Variants in FAT3 observed in about 807,000 individuals in gnomAD.
The protein encoded by FAT3 is protocadherin Fat 3.
In FAT3, 95 loss-of-function variants were observed where a neutral mutation model predicts 310.2. That is an observed-to-expected ratio of 0.31 (90% confidence interval 0.26 to 0.36). The LOEUF (loss-of-function observed/expected upper bound fraction) is 0.36, where lower values mean the gene tolerates loss of function less well. Among genes scored for constraint, FAT3 ranks in the 10% least tolerant of loss-of-function variants. FAT3 has a pLI of 1.00. For missense variants in FAT3, 5,408 were observed against 5,715.6 expected, an observed-to-expected ratio of 0.95 and a Z score of 1.74; for synonymous variants, 2,314 against 2,192.9, an observed-to-expected ratio of 1.06 and a Z score of -1.54.
intron 3 of FAT3, among the ~76,000 whole-genome samples, chr11:92,552,497 T>C (rs900781566): frequency 2.6e-5 from 4 of 152,196 alleles, no homozygotes; most frequent in Admixed American, 1.3e-4. Context: ...CTAGAACTTA[T>C]ATTTACTATT....
At chr11:92,414,332 C>A (rs1054322899) in intron 2 of FAT3, among the ~76,000 whole-genome samples, 1 of 152,132 alleles carries the variant, frequency 6.6e-6, no homozygotes, top group Non-Finnish European at 1.5e-5. Context: ...GAACAATTGA[C>A]AGTTTGATGC....
At chr11:92,540,437 T>C (rs1041247593) in intron 3 of FAT3, among the ~76,000 whole-genome samples, 2 of 152,190 alleles carry the variant, frequency 1.3e-5, no homozygotes, top group African/African-American at 4.8e-5. Context: ...TCTGGCCCAC[T>C]TTTATTAAAG....
chr11:92,531,902 C>T (rs1954087963), intron 3 of FAT3, among the ~76,000 whole-genome samples: 1 of 151,948 alleles, frequency 6.6e-6, no homozygotes, highest in Non-Finnish European at 1.5e-5. Context: ...CAGCAGTATC[C>T]CTGGCCTCTG....
intron 3 of FAT3, among the ~76,000 whole-genome samples, chr11:92,552,212 C>G (rs1262249122): frequency 1.3e-5 from 2 of 152,158 alleles, no homozygotes; most frequent in Admixed American, 1.3e-4. Flanking sequence ...TTCTCAGCAT[C>G]AAGCAGTTAT....
chr11:92,538,242 C>T (rs1030586272), intron 3 of FAT3, among the ~76,000 whole-genome samples: 3 of 152,170 alleles, frequency 2.0e-5, no homozygotes, highest in African/African-American at 7.2e-5. Flanking sequence ...TGAACAAGAT[C>T]TGCATGATAA....
chr11:92,324,860 A>G (rs1301031131), intron 1 of FAT3, among the ~76,000 whole-genome samples: 1 of 152,172 alleles, frequency 6.6e-6, no homozygotes, highest in Non-Finnish European at 1.5e-5. Flanking sequence ...CTAAAGATAC[A>G]CTGATGAAAA....
chr11:92,566,715 G>A (rs1264585356), intron 3 of FAT3, among the ~76,000 whole-genome samples: 1 of 151,478 alleles, frequency 6.6e-6, no homozygotes, highest in East Asian at 1.9e-4. Flanking sequence ...ACAGAACAGA[G>A]CCCTCAGAAA....
intron 3 of FAT3, among the ~76,000 whole-genome samples, chr11:92,543,164 G>C (rs1179848033): frequency 6.6e-6 from 1 of 152,110 alleles, no homozygotes; most frequent in African/African-American, 2.4e-5. Context: ...GTGGTTGCCA[G>C]AGGCTTAGGA....
chr11:92,746,765 G>A (rs1038879974), intron 4 of FAT3, among the ~76,000 whole-genome samples: 13 of 152,302 alleles, frequency 8.5e-5, no homozygotes, highest in African/African-American at 2.9e-4. Context: ...GGGAGAAATT[G>A]GCCAAAACAT....
At chr11:92,395,582 CTT>C (rs879447133) in intron 2 of FAT3, among the ~76,000 whole-genome samples, 10 of 144,422 alleles carry the variant, frequency 6.9e-5, no homozygotes, top group Admixed American at 2.1e-4. Context: ...TTCAGTGTCA[CTT>C]TTTTTTTTTT....
chr11:92,853,395 A>G (rs994035638), intron 19 of FAT3, among the ~76,000 whole-genome samples: 1 of 152,174 alleles, frequency 6.6e-6, no homozygotes, highest in Non-Finnish European at 1.5e-5. Flanking sequence ...CAGAACCTCA[A>G]AGAGAGTGTC....
intron 3 of FAT3, among the ~76,000 whole-genome samples, chr11:92,649,874 C>CATATATATATATATAT (rs10528724): frequency 2.0e-5 from 1 of 49,688 alleles, no homozygotes; most frequent in Non-Finnish European, 3.9e-5. Context: ...TTTGTATGTT[C>CATATATATATATATAT]ATATATATAT....
chr11:92,245,508 A>C (rs1864864886), intron 1 of FAT3, among the ~76,000 whole-genome samples: 1 of 152,092 alleles, frequency 6.6e-6, no homozygotes. Flanking sequence ...AATGTATATC[A>C]CACAAATTCC....
chr11:92,274,824 C>T (rs1421972270), intron 1 of FAT3, among the ~76,000 whole-genome samples: 1 of 151,946 alleles, frequency 6.6e-6, no homozygotes, highest in Non-Finnish European at 1.5e-5. Context: ...TCTGTGGGCA[C>T]TTTTTCTTAT....
rs191003668 is a variant in FAT3 at position 92,582,255 on chromosome 11, C to G, written c.3607+57307C>G. On this transcript the variant is annotated intron_variant, in intron 3 of 27. Transcript: ENST00000525166. ...CTTTATGACCTGTATGTTGTGCCAA[C>G]CTCCTATCTCATCCTGGGACTTAGA... 4.7e-4 allele frequency among the ~76,000 whole-genome samples: 71 copies of G among 151,964 alleles called. 1 individual carries two copies. Among genetic ancestry groups the G allele is most frequent in the African/African-American group, 1.7e-3 (71 of 41,484 alleles).
chr11:92,293,070 A>G (rs1383390142), intron 1 of FAT3, among the ~76,000 whole-genome samples: 1 of 137,226 alleles, frequency 7.3e-6, no homozygotes, highest in Non-Finnish European at 1.6e-5. Context: ...GGAAGGAAGG[A>G]AGGAAGGAAA....
intron 24 of FAT3, among the ~76,000 whole-genome samples, chr11:92,884,563 G>C (rs1222368477): frequency 7.2e-5 from 11 of 152,186 alleles, no homozygotes; most frequent in Admixed American, 6.5e-4. Context: ...GAGGGAGAAG[G>C]AGGAAACAGG....
intron 3 of FAT3, among the ~76,000 whole-genome samples, chr11:92,533,952 A>G (rs1055676871): frequency 3.3e-5 from 5 of 152,088 alleles, no homozygotes; most frequent in Admixed American, 6.5e-5. Context: ...AAAAAAAGAG[A>G]GATTGATTAA....
intron 2 of FAT3, among the ~76,000 whole-genome samples, chr11:92,412,046 G>T (rs960723207): frequency 7.2e-5 from 11 of 151,988 alleles, no homozygotes; most frequent in Admixed American, 7.2e-4. Context: ...CTGGTGCTGT[G>T]TTGATATCTT....
Sources: gnomAD v4.1 joint callset for allele counts (sites outside exome capture counted in the v4.1 genomes callset) on GRCh38, gnomAD v4.1.1 for gene constraint, MANE v1.5 for transcripts, NCBI Gene and HGNC (gene_info 2026-07-23, HGNC 2026-07-21) for gene names.